ANKS1A: variants seen among roughly 807,000 people sequenced by gnomAD.
ANKS1A encodes the protein ankyrin repeat and sterile alpha motif domain containing 1A, also known as ankyrin repeat and SAM domain-containing protein 1A.
Under a neutral mutation model 120.3 loss-of-function variants are expected in ANKS1A, and 55 were observed. The ratio of observed to expected loss-of-function variants is 0.46; its 90% CI spans 0.37 to 0.57. ANKS1A has a LOEUF of 0.57. Ranked by LOEUF, ANKS1A falls within the 20% of genes least tolerant of loss-of-function variation. The pLI is 0.00. For synonymous variants in ANKS1A, 590 were observed against 604.7 expected (o/e 0.98, Z 0.36); for missense variants, 1,123 against 1,480.3 (o/e 0.76, Z 3.96).
intron 1 of ANKS1A, among the ~76,000 whole-genome samples, chr6:34,899,091 A>T (rs1767227796): frequency 6.6e-6 from 1 of 152,256 alleles, no homozygotes; most frequent in Non-Finnish European, 1.5e-5. Flanking sequence ...TCAACAAGAA[A>T]CATACATGTT....
Position 35,050,983 on chromosome 6 carries a change from C to T in ANKS1A, c.2011-3116C>T, listed in dbSNP as rs556476057. Among the ~76,000 whole-genome samples, 23 of 152,300 alleles carry T rather than the reference C, an allele frequency of 1.5e-4. 1 individual carries two copies. The highest frequency in any genetic ancestry group is 3.4e-3 in the Middle Eastern group (1 of 294). On this transcript the variant is annotated intron_variant, in intron 11 of 23. Transcript: ENST00000360359. This position sits in a 1 kb window ranked among gnomAD's most constrained non-coding sequence, Gnocchi z 4.3. The stretch of plus-strand genomic sequence containing the variant: ...AACAACTTCCTAGCCTGGGCAAAAT[C>T]GTCCTGAGAGCATCCATTAGCATTT...
chr6:35,040,728 C>T (rs539764215), intron 11 of ANKS1A, among the ~76,000 whole-genome samples: 25 of 152,348 alleles, frequency 1.6e-4, no homozygotes, highest in African/African-American at 5.5e-4. Flanking sequence ...GCAGAATTTT[C>T]GAAGATGAGA....
At chr6:34,988,915 T>C (rs1772358705) in intron 8 of ANKS1A, among the ~76,000 whole-genome samples, 1 of 152,216 alleles carries the variant, frequency 6.6e-6, no homozygotes, top group Non-Finnish European at 1.5e-5. Flanking sequence ...TGTATCAGTA[T>C]TATGAAGGAA....
intron 1 of ANKS1A, among the ~76,000 whole-genome samples, chr6:34,944,593 C>T (rs1769693924): frequency 1.3e-5 from 2 of 152,146 alleles, no homozygotes; most frequent in South Asian, 4.1e-4. Flanking sequence ...AGTTTTTACT[C>T]AGTATCCGTG....
In ANKS1A at chr6:34,970,160, T is replaced by A; in HGVS notation, c.429T>A (p.Asn143Lys). The A allele has an allele frequency of 6.2e-7, 1 of 1,613,114 alleles. No individual in the cohort carries two copies. The highest frequency in any genetic ancestry group is 8.5e-7 in the Non-Finnish European group (1 of 1,179,698). ...IHQGPSHTRV[N>K]EQNNDNETAL... ...AAGGGCCTTCACACACCAGAGTCAATGAACAGGTCGGAAGGAAGGGAGGCT... is the reference window on the plus strand; with the variant it reads ...AAGGGCCTTCACACACCAGAGTCAAAGAACAGGTCGGAAGGAAGGGAGGCT... Residue 143 changes from asparagine to lysine, a missense_variant, in exon 3 of 24, where the codon AAT becomes AAA. Around this residue, in one of 3 missense-constraint regions of ANKS1A, gnomAD observed 146 missense variants for 267.8 expected, o/e 0.55. Coordinates refer to ENST00000360359, the MANE Select transcript of ANKS1A (RefSeq NM_015245.3).
chr6:34,950,294 T>C (rs1010952535), intron 1 of ANKS1A, among the ~76,000 whole-genome samples: 14 of 149,508 alleles, frequency 9.4e-5, no homozygotes, highest in African/African-American at 3.2e-4. Flanking sequence ...TGGCGCGATC[T>C]TGGCTTACTG....
At chr6:34,979,707 A>G (rs548509369) in intron 3 of ANKS1A, among the ~76,000 whole-genome samples, 15 of 152,164 alleles carry the variant, frequency 9.9e-5, no homozygotes, top group African/African-American at 3.4e-4. Flanking sequence ...GACAACTTGG[A>G]TATAAAAGAG....
chr6:34,966,167 A>G (rs1004384112), intron 1 of ANKS1A, among the ~76,000 whole-genome samples: 1 of 152,342 alleles, frequency 6.6e-6, no homozygotes, highest in South Asian at 2.1e-4. Context: ...ATCAGTCTCA[A>G]TTATGAATAT....
chr6:35,022,842 C>T (rs1242153190), intron 11 of ANKS1A, among the ~76,000 whole-genome samples: 1 of 152,176 alleles, frequency 6.6e-6, no homozygotes, highest in African/African-American at 2.4e-5. Flanking sequence ...TACCTAATAA[C>T]TGCACGTTGT....
chr6:34,986,591 A>G (rs1399180346), intron 8 of ANKS1A, among the ~76,000 whole-genome samples: 2 of 152,208 alleles, frequency 1.3e-5, no homozygotes, highest in Non-Finnish European at 2.9e-5. Flanking sequence ...GGCTGCAGAT[A>G]ACTCTTGTTT....
chr6:35,031,141 G>A (rs564286699), intron 11 of ANKS1A, among the ~76,000 whole-genome samples: 114 of 152,238 alleles, frequency 7.5e-4, no homozygotes, highest in African/African-American at 2.6e-3. Flanking sequence ...TACAGAAAGC[G>A]GTTCTGTGGA....
chr6:34,903,025 G>T (rs1358211116), intron 1 of ANKS1A, among the ~76,000 whole-genome samples: 2 of 152,056 alleles, frequency 1.3e-5, no homozygotes, highest in Non-Finnish European at 2.9e-5. Flanking sequence ...ATTCTTTTGG[G>T]TGAAATTTCA....
At position 35,056,539 on chromosome 6, in the gene ANKS1A, C is replaced by T. The variant is rs573496863; in HGVS notation, c.2077+2374C>T. 7.9e-5 allele frequency among the ~76,000 whole-genome samples: 12 copies of T among 152,306 alleles called. No homozygotes were observed. In the East Asian group the frequency reaches 1.9e-3, roughly 25 times the overall value. ...TCCTGACCTCCTGATCCACCCTCCT[C>T]GGCCTCCCAAAGTGCTGGGATTACA... On this transcript the variant is annotated intron_variant, in intron 12 of 23. Coordinates refer to ENST00000360359, the MANE Select transcript of ANKS1A (RefSeq NM_015245.3).
intron 1 of ANKS1A, among the ~76,000 whole-genome samples, chr6:34,955,086 AC>A (rs1770287119): frequency 6.6e-6 from 1 of 151,846 alleles, no homozygotes; most frequent in Admixed American, 6.6e-5. Flanking sequence ...TTTTTCTTGT[AC>A]AATTAATTAA....
rs1209599171 is a variant in ANKS1A at position 35,058,794 on chromosome 6, G to T, written c.2078-1353G>T. The T allele has an allele frequency of 6.6e-6, 1 of 152,158 alleles. No homozygotes were observed. 9.4% of individuals were successfully genotyped at this position (152,158 alleles called of 1,614,324 possible). ...ACAAGAATCAGAGAAGTAGGTTGGGGTTCAGGCATCCAGCTCAGAACATCC... is the reference window on the plus strand; with the variant it reads ...ACAAGAATCAGAGAAGTAGGTTGGGTTTCAGGCATCCAGCTCAGAACATCC... On this transcript the variant is annotated intron_variant, in intron 12 of 23. Transcript: ENST00000360359. The surrounding 1 kb of genome is among the most constrained non-coding windows in gnomAD (Gnocchi z 5.1).
At position 35,090,420 on chromosome 6, in the gene ANKS1A, A is replaced by G; in HGVS notation, c.*1811A>G. 1 of 1,199,432 alleles carries G rather than the reference A, an allele frequency of 8.3e-7. No individual in the cohort carries two copies. The highest frequency in any genetic ancestry group is 1.1e-6 in the Non-Finnish European group (1 of 946,324). 74.3% of individuals were successfully genotyped at this position (1,199,432 alleles called of 1,614,324 possible). ...TGTCGGGGGCGGGGCGGTAGGTCCG[A>G]AAGAAACCGCAGACACTACGATGCA... On this transcript the variant is annotated 3_prime_UTR_variant, in exon 24 of 24. Coordinates refer to ENST00000360359, the MANE Select transcript of ANKS1A (RefSeq NM_015245.3).
At chr6:34,912,260 TGTTG>T (rs1767941779) in intron 1 of ANKS1A, among the ~76,000 whole-genome samples, 1 of 152,256 alleles carries the variant, frequency 6.6e-6, no homozygotes, top group African/African-American at 2.4e-5. Flanking sequence ...TTTATTTATT[TGTTG>T]GTTCTCCAGC....
intron 2 of ANKS1A, among the ~76,000 whole-genome samples, chr6:34,968,767 T>C (rs1561878144): frequency 6.6e-6 from 1 of 152,162 alleles, no homozygotes; most frequent in Admixed American, 6.5e-5. Context: ...GGAGGGATTA[T>C]TGGAATCATT....
intron 1 of ANKS1A, among the ~76,000 whole-genome samples, chr6:34,926,158 A>G (rs2127469670): frequency 6.6e-6 from 1 of 152,332 alleles, no homozygotes; most frequent in African/African-American, 2.4e-5. Flanking sequence ...TTTTCTGATG[A>G]TGACAAATTA....
Sources: allele counts gnomAD v4.1 joint callset (sites outside exome capture counted in the v4.1 genomes callset), GRCh38; gene constraint gnomAD v4.1.1; regional missense constraint gnomAD v4.1.1; non-coding constraint Gnocchi (gnomAD v3.1); transcripts MANE v1.5; gene names NCBI Gene and HGNC (gene_info 2026-07-23, HGNC 2026-07-21).